Variants in CNTN5 observed in about 807,000 individuals in gnomAD.
The protein encoded by CNTN5 is contactin 5.
Under a neutral mutation model 129.1 loss-of-function variants are expected in CNTN5, and 77 were observed. The observed-to-expected ratio is 0.60, with a 90% confidence interval of 0.50 to 0.72. CNTN5 has a LOEUF of 0.72. CNTN5 is among the 30% of genes least tolerant of loss of function. The pLI is 0.00. For synonymous variants in CNTN5, 509 were observed against 465.6 expected (o/e 1.09, Z -1.20); for missense variants, 1,478 against 1,328.8 (o/e 1.11, Z -1.75).
At position 100,167,503 on chromosome 11, in the gene CNTN5, G is replaced by C. The variant is rs1262682463; in HGVS notation, c.1581-23623G>C. Among the ~76,000 whole-genome samples the C allele has an allele frequency of 4.6e-5, 7 of 151,828 alleles. No homozygotes were observed. The South Asian group carries it at 1.2e-3, about 27-fold the overall frequency. On this transcript the variant is annotated intron_variant, in intron 13 of 24. Transcript: ENST00000524871. ...GAGATACAATGATAAACACAAATAG[G>C]CCTGGAACTGCCTATTTGAGCTTTT... is the stretch of plus-strand genomic sequence containing the variant.
intron 21 of CNTN5, among the ~76,000 whole-genome samples, chr11:100,325,594 A>G (rs1951773760): frequency 6.6e-6 from 1 of 152,170 alleles, no homozygotes; most frequent in African/African-American, 2.4e-5. Context: ...TCTTTTCTTC[A>G]ACAAAACAAC....
intron 23 of CNTN5, among the ~76,000 whole-genome samples, chr11:100,345,120 G>A (rs1009811434): frequency 6.6e-6 from 1 of 152,046 alleles, no homozygotes; most frequent in African/African-American, 2.4e-5. Flanking sequence ...TCTGGGACTG[G>A]GTTATTTATA....
chr11:99,802,096 C>G (rs1038915862), intron 3 of CNTN5, among the ~76,000 whole-genome samples: 6 of 152,186 alleles, frequency 3.9e-5, no homozygotes, highest in African/African-American at 7.2e-5. Context: ...TTGTTCTCCA[C>G]CCAGGGTGTA....
intron 3 of CNTN5, among the ~76,000 whole-genome samples, chr11:99,612,157 C>T (rs899125194): frequency 6.6e-6 from 1 of 152,144 alleles, no homozygotes; most frequent in Admixed American, 6.5e-5. Flanking sequence ...ACCATCCCTA[C>T]GAGGAAACTG....
intron 3 of CNTN5, among the ~76,000 whole-genome samples, chr11:99,723,533 C>A (rs534063826): frequency 1.3e-5 from 2 of 152,252 alleles, no homozygotes; most frequent in Admixed American, 1.3e-4. Context: ...ACTTCTACCA[C>A]CACACCTATC....
intron 18 of CNTN5, among the ~76,000 whole-genome samples, chr11:100,286,752 T>C (rs1323246381): frequency 4.8e-5 from 7 of 144,860 alleles, no homozygotes; most frequent in African/African-American, 1.9e-4. Flanking sequence ...CAAAGCTGGA[T>C]GGAGAATGAC....
chr11:100,292,726 T>C (rs1951016773), intron 18 of CNTN5, among the ~76,000 whole-genome samples: 1 of 151,958 alleles, frequency 6.6e-6, no homozygotes, highest in African/African-American at 2.4e-5. Flanking sequence ...CAGCATTACT[T>C]GTGCATGTAT....
intron 13 of CNTN5, among the ~76,000 whole-genome samples, chr11:100,164,126 T>C (rs1205262287): frequency 6.6e-6 from 1 of 151,834 alleles, no homozygotes; most frequent in Non-Finnish European, 1.5e-5. Context: ...TCATAGATCC[T>C]TATTGAATTT....
At chr11:99,800,164 A>C (rs1301837) in intron 3 of CNTN5, among the ~76,000 whole-genome samples, 1 of 151,742 alleles carries the variant, frequency 6.6e-6, no homozygotes, top group South Asian at 2.1e-4. Flanking sequence ...ATGTTGTGTC[A>C]GTGTTTTCAT....
intron 2 of CNTN5, among the ~76,000 whole-genome samples, chr11:99,428,895 C>A (rs907116294): frequency 6.6e-6 from 1 of 152,050 alleles, no homozygotes; most frequent in Non-Finnish European, 1.5e-5. Flanking sequence ...CAGTTTTTTG[C>A]CAATAACCCA....
At chr11:99,727,498 A>G (rs112226951) in intron 3 of CNTN5, among the ~76,000 whole-genome samples, 1 of 151,942 alleles carries the variant, frequency 6.6e-6, no homozygotes, top group African/African-American at 2.4e-5. Flanking sequence ...CATAGTTATT[A>G]TATTATCCCA....
intron 2 of CNTN5, among the ~76,000 whole-genome samples, chr11:99,552,712 A>T (rs548419153): frequency 6.6e-6 from 1 of 152,288 alleles, no homozygotes; most frequent in Non-Finnish European, 1.5e-5. Flanking sequence ...AAGTTAGAAG[A>T]TGAAATTAAA....
intron 8 of CNTN5, among the ~76,000 whole-genome samples, chr11:99,965,421 A>G (rs1039466901): frequency 2.6e-5 from 4 of 151,996 alleles, no homozygotes; most frequent in African/African-American, 9.7e-5. Flanking sequence ...TTATGTACCC[A>G]GTAGTCATTC....
intron 1 of CNTN5, among the ~76,000 whole-genome samples, chr11:99,190,566 A>G (rs1293120857): frequency 6.6e-6 from 1 of 151,134 alleles, no homozygotes; most frequent in African/African-American, 2.4e-5. Context: ...TTCTTCTTCT[A>G]TTTTTGTTCA....
At position 100,074,128 on chromosome 11, in the gene CNTN5, T is replaced by C; in HGVS notation, c.1430-16T>C. On this transcript the variant is annotated splice_polypyrimidine_tract_variant and intron_variant, in intron 12 of 24. Coordinates refer to ENST00000524871, the MANE Select transcript of CNTN5 (RefSeq NM_014361.4). Reference sequence around the variant, plus strand: ...TCATTGCTTCTGGTAGAAACTAACATTTGCTTTTTTAATAGCTTCAGCTCC... The same window carrying C: ...TCATTGCTTCTGGTAGAAACTAACACTTGCTTTTTTAATAGCTTCAGCTCC... 1 of 1,603,878 alleles carries C rather than the reference T, an allele frequency of 6.2e-7. No individual in the cohort carries two copies. Among genetic ancestry groups the C allele is most frequent in the Non-Finnish European group, 8.5e-7 (1 of 1,176,370 alleles).
At chr11:99,177,907 C>A (rs1857856632) in intron 1 of CNTN5, among the ~76,000 whole-genome samples, 1 of 151,972 alleles carries the variant, frequency 6.6e-6, no homozygotes, top group Non-Finnish European at 1.5e-5. Flanking sequence ...AGTTCAGAGA[C>A]TAAGATTAAC....
chr11:99,301,468 T>C (rs1375280316), intron 1 of CNTN5, among the ~76,000 whole-genome samples: 1 of 151,774 alleles, frequency 6.6e-6, no homozygotes, highest in African/African-American at 2.4e-5. Flanking sequence ...GAATTAATTA[T>C]AAGACAAATA....
intron 1 of CNTN5, among the ~76,000 whole-genome samples, chr11:99,277,016 C>T (rs1157490685): frequency 6.6e-6 from 1 of 151,520 alleles, no homozygotes; most frequent in Non-Finnish European, 1.5e-5. Flanking sequence ...TCTATTACTT[C>T]CATTTGCCTG....
chr11:99,296,822 C>T (rs1167263043), intron 1 of CNTN5, among the ~76,000 whole-genome samples: 2 of 152,110 alleles, frequency 1.3e-5, no homozygotes, highest in African/African-American at 2.4e-5. Context: ...TTTAGCCAGG[C>T]CAAAAAGCCA....
Sources: allele counts gnomAD v4.1 joint callset (sites outside exome capture counted in the v4.1 genomes callset), GRCh38; gene constraint gnomAD v4.1.1; transcripts MANE v1.5; gene names NCBI Gene and HGNC (gene_info 2026-07-23, HGNC 2026-07-21).